Variants in XKR6 observed in about 807,000 individuals in gnomAD.
XKR6 encodes the protein XK-related protein 6.
A neutral mutation model predicts 56.7 loss-of-function variants in XKR6; 22 were observed. The ratio of observed to expected loss-of-function variants is 0.39; its 90% CI spans 0.28 to 0.55. The LOEUF (loss-of-function observed/expected upper bound fraction) is 0.55, where lower values mean the gene tolerates loss of function less well. Among genes scored for constraint, XKR6 ranks in the 20% least tolerant of loss-of-function variants. The pLI is 0.66. For synonymous variants in XKR6, 524 were observed against 387.8 expected (o/e 1.35, Z -4.13); for missense variants, 852 against 889.0 (o/e 0.96, Z 0.53).
At chr8:10,922,286 A>T (rs1462000189) in intron 2 of XKR6, among the ~76,000 whole-genome samples, 1 of 152,368 alleles carries the variant, frequency 6.6e-6, no homozygotes, top group South Asian at 2.1e-4. Context: ...GTCCCTCTCC[A>T]GTGCCAGCAA....
chr8:11,117,213 G>A (rs1799225360), intron 1 of XKR6, among the ~76,000 whole-genome samples: 1 of 152,166 alleles, frequency 6.6e-6, no homozygotes, highest in African/African-American at 2.4e-5. Flanking sequence ...TGATACACTA[G>A]GGGTGAAACT....
chr8:11,155,647 T>C (rs1035626350), intron 1 of XKR6, among the ~76,000 whole-genome samples: 6 of 152,038 alleles, frequency 3.9e-5, no homozygotes, highest in African/African-American at 7.3e-5. Flanking sequence ...GCACACAGAG[T>C]GTAACAGGTC....
intron 1 of XKR6, among the ~76,000 whole-genome samples, chr8:11,006,664 G>A (rs1330375394): frequency 6.6e-6 from 1 of 152,100 alleles, no homozygotes; most frequent in East Asian, 1.9e-4. Flanking sequence ...CCAAGCAGAG[G>A]GAATAGCATG....
At chr8:10,977,980 C>T (rs949189073) in intron 1 of XKR6, among the ~76,000 whole-genome samples, 2 of 152,128 alleles carry the variant, frequency 1.3e-5, no homozygotes, top group Non-Finnish European at 2.9e-5. Flanking sequence ...CACATGTCTC[C>T]AGCTTTCAGG....
intron 1 of XKR6, among the ~76,000 whole-genome samples, chr8:11,121,192 C>A (rs1480533165): frequency 3.3e-5 from 5 of 152,178 alleles, no homozygotes; most frequent in African/African-American, 1.2e-4. Context: ...CAAATGGGAT[C>A]TGTTTAAACT....
At chr8:11,157,783 G>C (rs910871657) in intron 1 of XKR6, among the ~76,000 whole-genome samples, 3 of 152,124 alleles carry the variant, frequency 2.0e-5, no homozygotes, top group Non-Finnish European at 2.9e-5. Flanking sequence ...CGAAAGTGCT[G>C]GGATTACAGG....
intron 2 of XKR6, among the ~76,000 whole-genome samples, chr8:10,913,080 G>A (rs1290821472): frequency 6.6e-6 from 1 of 150,608 alleles, no homozygotes; most frequent in Non-Finnish European, 1.5e-5. Flanking sequence ...GAGAAGGTGA[G>A]TATATCTATA....
chr8:10,940,019 G>C (rs1455086973), intron 1 of XKR6, among the ~76,000 whole-genome samples: 1 of 152,200 alleles, frequency 6.6e-6, no homozygotes, highest in Non-Finnish European at 1.5e-5. Context: ...GAGTGTTTGC[G>C]AGAAATCCTG....
chr8:11,071,196 G>A (rs1210741101), intron 1 of XKR6, among the ~76,000 whole-genome samples: 1 of 152,158 alleles, frequency 6.6e-6, no homozygotes, highest in African/African-American at 2.4e-5. Flanking sequence ...CTTCCTCACG[G>A]GTGTGTGGTC....
intron 1 of XKR6, among the ~76,000 whole-genome samples, chr8:10,999,374 T>C (rs1019648089): frequency 2.6e-5 from 4 of 152,244 alleles, no homozygotes; most frequent in Admixed American, 6.5e-5. Flanking sequence ...AGGATACAAA[T>C]TGTATTTAGA....
intron 2 of XKR6, among the ~76,000 whole-genome samples, chr8:10,920,665 G>A (rs879862454): frequency 3.3e-5 from 5 of 152,212 alleles, no homozygotes; most frequent in South Asian, 4.1e-4. Context: ...AAATTGTCTC[G>A]TGATGAGGAC....
chr8:11,054,125 A>T (rs959933989), intron 1 of XKR6, among the ~76,000 whole-genome samples: 1 of 152,208 alleles, frequency 6.6e-6, no homozygotes, highest in Admixed American at 6.5e-5. Flanking sequence ...ATGCACTGTC[A>T]TGGTTGCTGG....
rs969580066 is a variant in XKR6 at position 11,067,987 on chromosome 8, C to T, written c.764+132589G>A. Among the ~76,000 whole-genome samples the T allele has an allele frequency of 3.9e-5, 6 of 152,240 alleles. No homozygotes were observed. The East Asian group carries it at 9.6e-4, about 24-fold the overall frequency. ...TGAATGTGGGGTGGTTGCTGTTGCT[C>T]GTCCACCTCTCCTGCTAGATTCTGA... On this transcript the variant is annotated intron_variant, in intron 1 of 2. Transcript: ENST00000416569.
chr8:11,064,490 A>G (rs1037118446), intron 1 of XKR6, among the ~76,000 whole-genome samples: 24 of 152,372 alleles, frequency 1.6e-4, no homozygotes, highest in African/African-American at 5.8e-4. Flanking sequence ...AATAATTTAT[A>G]GAAAGAAATA....
At chr8:10,990,548 T>C (rs1045411175) in intron 1 of XKR6, among the ~76,000 whole-genome samples, 13 of 152,340 alleles carry the variant, frequency 8.5e-5, no homozygotes, top group African/African-American at 3.1e-4. Flanking sequence ...GGCTGGAAGA[T>C]ACTAAGAGTG....
At chr8:10,940,499 G>T (rs1447214929) in intron 1 of XKR6, among the ~76,000 whole-genome samples, 4 of 152,196 alleles carry the variant, frequency 2.6e-5, no homozygotes, top group African/African-American at 4.8e-5. Context: ...TTTCACCTGT[G>T]TCCCCCAAGT....
intron 1 of XKR6, chr8:11,195,101 A>T: frequency 1.4e-6 from 1 of 702,908 alleles, no homozygotes; most frequent in Non-Finnish European, 2.6e-6. Context: ...CCTCACAGCT[A>T]AGCAAGTATT....
chr8:10,965,732 A>G (rs1344451060), intron 1 of XKR6, among the ~76,000 whole-genome samples: 1 of 152,170 alleles, frequency 6.6e-6, no homozygotes, highest in African/African-American at 2.4e-5. Flanking sequence ...GTCTGACGGG[A>G]TTTGGCAGTT....
intron 1 of XKR6, among the ~76,000 whole-genome samples, chr8:10,997,569 G>A (rs1586410310): frequency 1.3e-5 from 2 of 152,134 alleles, no homozygotes; most frequent in African/African-American, 2.4e-5. Context: ...ATGAGATGAG[G>A]GTTATGGAGA....
Sources: gnomAD v4.1 joint callset for allele counts (sites outside exome capture counted in the v4.1 genomes callset) on GRCh38, gnomAD v4.1.1 for gene constraint, MANE v1.5 for transcripts, NCBI Gene and HGNC (gene_info 2026-07-23, HGNC 2026-07-21) for gene names.